Variants in GPR39 observed in about 807,000 individuals in gnomAD.
GPR39 encodes G protein-coupled receptor 39, also known as zinc sensing receptor.
GPR39 carries 23 observed loss-of-function variants against 18.4 expected under a neutral mutation model. The observed-to-expected ratio is 1.25, with a 90% CI of 0.90 to 1.77. The LOEUF (loss-of-function observed/expected upper bound fraction) is 1.77. Ranked by LOEUF, GPR39 falls within the 40% of genes most tolerant of loss-of-function variation. The probability of loss-of-function intolerance (pLI) is 0.00; values close to 1 mark genes in which losing one functional copy is unlikely to be tolerated. For missense variants in GPR39, 647 were observed against 602.4 expected (o/e 1.07, Z -0.78); for synonymous variants, 280 against 257.9 (o/e 1.09, Z -0.82).
intron 1 of GPR39, among the ~76,000 whole-genome samples, chr2:132,624,220 G>A (rs1681500440): frequency 6.6e-6 from 1 of 152,106 alleles, no homozygotes; most frequent in Non-Finnish European, 1.5e-5. Flanking sequence ...GTCTTTCTGT[G>A]GTTGTCCCTC....
In GPR39 at chr2:132,432,006, T is replaced by C. The variant is rs969362073; in HGVS notation, c.856+14108T>C. Among the ~76,000 whole-genome samples the C allele has an allele frequency of 6.0e-4, 91 of 152,334 alleles. 1 individual carries two copies. The highest frequency in any genetic ancestry group is 2.1e-3 in the African/African-American group (88 of 41,568). On this transcript the variant is annotated intron_variant, in intron 1 of 1. Transcript: ENST00000329321. ...CAACCTTCCAGTTGCTGGTGACTGC[T>C]GGTGTTCCTTGGCTTGTGGTTGTGT...
chr2:132,441,232 A>G (rs1680432649), intron 1 of GPR39, among the ~76,000 whole-genome samples: 1 of 152,178 alleles, frequency 6.6e-6, no homozygotes, highest in Admixed American at 6.5e-5. Context: ...GCATATACAA[A>G]CAAGTGGGAT....
chr2:132,474,357 A>G (rs191707780), intron 1 of GPR39, among the ~76,000 whole-genome samples: 197 of 152,304 alleles, frequency 1.3e-3, no homozygotes, highest in African/African-American at 4.6e-3. Context: ...GACTTAGCAC[A>G]GCTTGAGTAG....
intron 1 of GPR39, among the ~76,000 whole-genome samples, chr2:132,452,011 G>C (rs947197954): frequency 6.6e-6 from 1 of 152,054 alleles, no homozygotes; most frequent in African/African-American, 2.4e-5. Flanking sequence ...GTTCAAATAT[G>C]GTTCATTTCT....
intron 1 of GPR39, among the ~76,000 whole-genome samples, chr2:132,550,552 A>G (rs1292052422): frequency 6.6e-6 from 1 of 152,222 alleles, no homozygotes; most frequent in East Asian, 1.9e-4. Context: ...AGGCTTTAGA[A>G]TGTCAACTGT....
At chr2:132,625,069 C>T (rs990124753) in intron 1 of GPR39, among the ~76,000 whole-genome samples, 7 of 141,968 alleles carry the variant, frequency 4.9e-5, no homozygotes, top group Admixed American at 4.3e-4. Context: ...TCTAGGTGCT[C>T]CAATTTTTTT....
At chr2:132,619,117 T>G (rs553434031) in intron 1 of GPR39, among the ~76,000 whole-genome samples, 1 of 152,302 alleles carries the variant, frequency 6.6e-6, no homozygotes, top group Non-Finnish European at 1.5e-5. Flanking sequence ...ATGCAGGGTC[T>G]GCAGCCCAGT....
rs944085761 is a variant in GPR39, at chr2:132,513,890, T to C, written c.856+95992T>C. 2.6e-5 allele frequency among the ~76,000 whole-genome samples: 4 copies of C among 152,160 alleles called. No individual in the cohort carries two copies. In the East Asian group the frequency reaches 7.7e-4, roughly 29 times the overall value. On this transcript the variant is annotated intron_variant, in intron 1 of 1. Coordinates refer to ENST00000329321, the MANE Select transcript of GPR39 (RefSeq NM_001508.3). ...CACCATGCCCAGCTAATATTTTGTA[T>C]TTTTTGTAGGGGTGGGTTTTTGCCA...
chr2:132,639,313 C>A (rs1428234224), intron 1 of GPR39, among the ~76,000 whole-genome samples: 1 of 152,062 alleles, frequency 6.6e-6, no homozygotes, highest in Non-Finnish European at 1.5e-5. Context: ...CTAACCCTTG[C>A]TCACTATGGT....
chr2:132,641,202 T>G (rs1423014613), intron 1 of GPR39, among the ~76,000 whole-genome samples: 1 of 152,226 alleles, frequency 6.6e-6, no homozygotes, highest in Non-Finnish European at 1.5e-5. Flanking sequence ...TCCTTGTGTT[T>G]TCAGGATTAT....
chr2:132,646,388 CCA>C lies in GPR39; in HGVS notation c.*783_*784del, dbSNP rs1470299230. ...AGCTCTTCCTTACTCCTCCCACAGCCCAGAGACTAGGTGAGGTCAGGGAAGTG... is the reference window on the plus strand; with the variant it reads ...AGCTCTTCCTTACTCCTCCCACAGCCGAGACTAGGTGAGGTCAGGGAAGTG... On this transcript the variant is annotated 3_prime_UTR_variant, in exon 2 of 2. Coordinates refer to ENST00000329321, the MANE Select transcript of GPR39 (RefSeq NM_001508.3). The C allele has an allele frequency of 4.6e-6, 3 of 648,808 alleles. No individual in the cohort carries two copies. The highest frequency in any genetic ancestry group is 3.8e-5 in the African/African-American group (2 of 52,908). 40.2% of individuals were successfully genotyped at this position (648,808 alleles called of 1,614,324 possible). A position where few individuals can be genotyped will look rare whatever the true frequency, so the allele number is the denominator to read the frequency against.
chr2:132,586,401 G>A lies in GPR39; in HGVS notation c.857-58700G>A, dbSNP rs140939397. The stretch of plus-strand genomic sequence containing the variant: ...CCAGCTTCTGAGTTTGGAAAGGCAA[G>A]GCGTGCTGGCTGACCAAACGGTTCC... On this transcript the variant is annotated intron_variant, in intron 1 of 1. Coordinates refer to ENST00000329321, the MANE Select transcript of GPR39 (RefSeq NM_001508.3). Among the ~76,000 whole-genome samples the A allele has an allele frequency of 5.2e-3, 788 of 152,274 alleles. 8 individuals carry two copies. Among genetic ancestry groups the A allele is most frequent in the African/African-American group, 0.018 (740 of 41,558 alleles).
intron 1 of GPR39, among the ~76,000 whole-genome samples, chr2:132,519,845 G>A (rs1679392326): frequency 6.6e-6 from 1 of 152,114 alleles, no homozygotes; most frequent in South Asian, 2.1e-4. Context: ...TCAGATTCCT[G>A]ACTGGTCTTT....
chr2:132,534,182 A>C (rs1479809936), intron 1 of GPR39, among the ~76,000 whole-genome samples: 3 of 152,226 alleles, frequency 2.0e-5, no homozygotes, highest in Non-Finnish European at 2.9e-5. Context: ...GGCGAAGGAT[A>C]TGAACAGACA....
At chr2:132,501,054 G>GTTTTTTTTTTTTTTTTTTTTTTTTTTT (rs55720929) in intron 1 of GPR39, among the ~76,000 whole-genome samples, 6 of 90,324 alleles carry the variant, frequency 6.6e-5, no homozygotes, top group Non-Finnish European at 6.6e-5. Context: ...TATCTTTTGT[G>GTTTTTTTTTTTTTTTTTTTTTTTTTTT]TTTTTTTTTT....
chr2:132,542,322 C>A (rs563258308), intron 1 of GPR39, among the ~76,000 whole-genome samples: 1 of 152,306 alleles, frequency 6.6e-6, no homozygotes, highest in Non-Finnish European at 1.5e-5. Flanking sequence ...AAAGGGAAAG[C>A]CTGCCATGTC....
intron 1 of GPR39, among the ~76,000 whole-genome samples, chr2:132,529,635 G>A (rs1247004249): frequency 6.6e-6 from 1 of 152,136 alleles, no homozygotes; most frequent in Non-Finnish European, 1.5e-5. Flanking sequence ...CACACGGCCG[G>A]GTACTCCTCT....
chr2:132,505,516 G>T (rs2104754017), intron 1 of GPR39, among the ~76,000 whole-genome samples: 1 of 152,212 alleles, frequency 6.6e-6, no homozygotes, highest in South Asian at 2.1e-4. Context: ...CTCTATGTTT[G>T]TACTCATTAA....
At chr2:132,635,586 T>C (rs1681738249) in intron 1 of GPR39, among the ~76,000 whole-genome samples, 1 of 151,822 alleles carries the variant, frequency 6.6e-6, no homozygotes, top group Admixed American at 6.6e-5. Flanking sequence ...GGGTGTGGTC[T>C]CAGCAAAAAA....
Sources: gnomAD v4.1 joint callset for allele counts (sites outside exome capture counted in the v4.1 genomes callset) on GRCh38, gnomAD v4.1.1 for gene constraint, MANE v1.5 for transcripts, NCBI Gene and HGNC (gene_info 2026-07-23, HGNC 2026-07-21) for gene names.